MED24: variants seen among roughly 807,000 people sequenced by gnomAD.
MED24 encodes mediator of RNA polymerase II transcription subunit 24.
In MED24, 74 loss-of-function variants were observed where a neutral mutation model predicts 118.8. That is an observed-to-expected ratio of 0.62 (90% CI 0.52 to 0.76). MED24 has a LOEUF of 0.76. MED24 is among the 30% of genes least tolerant of loss of function. The pLI, the probability that MED24 is intolerant of heterozygous loss-of-function variation, is 0.00. For missense variants in MED24, 1,041 were observed against 1,278.9 expected, an observed-to-expected ratio of 0.81 and a Z score of 2.84; for synonymous variants, 521 against 523.9, an observed-to-expected ratio of 0.99 and a Z score of 0.08.
chr17:40,035,200 G>T lies in MED24; in HGVS notation c.476C>A (p.Ala159Asp). 6.2e-7 allele frequency: 1 copy of T among 1,614,120 alleles called. No homozygotes were observed. The highest frequency in any genetic ancestry group is 8.5e-7 in the Non-Finnish European group (1 of 1,180,030). Residue 159 changes from alanine to aspartate, a missense_variant, in exon 6 of 26, where the codon GCC (alanine) becomes GAC (aspartate). By Grantham distance (126) the Ala-to-Asp change is moderately radical. Transcript: ENST00000394128. ...TTTCTCCAGGCGCTGAAGGCACATG[G>T]CAAGCTGCTTCTCCCCAGCGGCTGG... Reference protein sequence around the residue: ...GTPAAGEKQLAMCLQRLEKTL... With the variant: ...GTPAAGEKQLDMCLQRLEKTL...
intron 3 of MED24, among the ~76,000 whole-genome samples, chr17:40,046,086 A>T (rs1985150576): frequency 7.1e-6 from 1 of 141,166 alleles, no homozygotes; most frequent in South Asian, 2.2e-4. Context: ...CTCTAAAAAA[A>T]ATTTTTTTTT....
At chr17:40,039,644 A>G (rs910263495) in intron 3 of MED24, among the ~76,000 whole-genome samples, 1 of 151,898 alleles carries the variant, frequency 6.6e-6, no homozygotes, top group Non-Finnish European at 1.5e-5. Context: ...AGACTCTTCT[A>G]TTGGTCTGTT....
chr17:40,034,852 C>CGGGGGGGGGGGGGGGGGGGGGGGGGGGGG, intron 6 of MED24: 2 of 386,866 alleles, frequency 5.2e-6, no homozygotes, highest in East Asian at 5.3e-5. Flanking sequence ...CCTTTGGTAG[C>CGGGGGGGGGGGGGGGGGGGGGGGGGGGGG]CCCCCACCCC....
rs1388186968 is a variant in MED24 at position 40,033,667 on chromosome 17, A to G, written c.560-211T>C. ...CCTAGAGCTGGAAACCCCAGAGACC[A>G]TTCCCAAAAGCCTGATTTCCAGGGG... On this transcript the variant is annotated intron_variant, in intron 6 of 25. Transcript: ENST00000394128. The surrounding 1 kb of genome is among the most constrained non-coding windows in gnomAD (Gnocchi z 5.2). The G allele has an allele frequency of 5.9e-6, 4 of 682,720 alleles. No homozygotes were observed. Among genetic ancestry groups the G allele is most frequent in the Non-Finnish European group, 1.1e-5 (4 of 373,144 alleles). 42.3% of individuals were successfully genotyped at this position (682,720 alleles called of 1,614,324 possible). A position where few individuals can be genotyped will look rare whatever the true frequency, so the allele number is the denominator to read the frequency against.
chr17:40,034,514 G>A (rs927286523), intron 6 of MED24, among the ~76,000 whole-genome samples: 1 of 152,160 alleles, frequency 6.6e-6, no homozygotes, highest in Non-Finnish European at 1.5e-5. Context: ...GGACCCCATT[G>A]CTGGAAATAC....
chr17:40,053,190 C>T, intron 3 of MED24, 108 bp downstream of exon 3: 2 of 1,077,014 alleles, frequency 1.9e-6, no homozygotes, highest in Non-Finnish European at 2.7e-6. Flanking sequence ...CTGCCTCAGC[C>T]TCCCACAATG....
intron 13 of MED24, among the ~76,000 whole-genome samples, chr17:40,029,451 G>T (rs1364813923): frequency 6.6e-6 from 1 of 152,156 alleles, no homozygotes; most frequent in Non-Finnish European, 1.5e-5. Context: ...TCCCACCTCA[G>T]CCTCCCAAAA....
chr17:40,020,164 G>T, intron 24 of MED24, 109 bp downstream of exon 24: 1 of 1,171,650 alleles, frequency 8.5e-7, no homozygotes. Context: ...GAGAGGGAAG[G>T]GAGGGGCACC....
intron 12 of MED24, among the ~76,000 whole-genome samples, chr17:40,030,224 A>G (rs775768961): frequency 2.9e-4 from 44 of 151,750 alleles, no homozygotes; most frequent in Non-Finnish European, 5.2e-4. Flanking sequence ...TCCTGACCTC[A>G]GGTGATCCAC....
In MED24 at chr17:40,053,380, T is replaced by C; in HGVS notation, c.131A>G (p.Asp44Gly). The C allele has an allele frequency of 6.2e-7, 1 of 1,613,326 alleles. No individual in the cohort carries two copies. The highest frequency in any genetic ancestry group is 8.5e-7 in the Non-Finnish European group (1 of 1,179,414). Residue 44 changes from aspartate to glycine, a missense_variant and splice_region_variant, in exon 3 of 26, where the codon GAT (aspartate) becomes GGT (glycine). By Grantham distance (94) the Asp-to-Gly change is moderately conservative. This residue lies in a region of MED24 where 434 missense variants were observed against 514.9 expected (regional missense o/e 0.84). Coordinates refer to ENST00000394128, the MANE Select transcript of MED24 (RefSeq NM_014815.4). ...AATCATGGCCTGCTCTAGTAACGCA[T>C]CTGCAAGAGGAATAGCAAAACACAA... Reference protein sequence around the residue: ...GATWDILNLADALLEQAMIGP... With the variant: ...GATWDILNLAGALLEQAMIGP...
intron 14 of MED24, 26 bp from the exon 15 acceptor site, chr17:40,027,972 T>C (rs375514762): frequency 4.3e-6 from 7 of 1,613,316 alleles, no homozygotes; most frequent in South Asian, 2.2e-5. Flanking sequence ...ACAGGCTGCA[T>C]TGACCAGGGC....
At position 40,019,461 on chromosome 17, in the gene MED24, A is replaced by T; in HGVS notation, c.*68T>A. 1 of 1,343,350 alleles carries T rather than the reference A, an allele frequency of 7.4e-7. No homozygotes were observed. The highest frequency in any genetic ancestry group is 1.2e-5 in the South Asian group (1 of 82,890). The allele number at this position is 1,343,350 out of a possible 1,614,324, so 83.2% of individuals were successfully genotyped here. On this transcript the variant is annotated 3_prime_UTR_variant, in exon 26 of 26. Coordinates refer to ENST00000394128, the MANE Select transcript of MED24 (RefSeq NM_014815.4). ...GAGGCACGATGCCTCATCTTTCCTC[A>T]CTGCTTCCCTTGGAGGCGCCTGGGG...
intron 8 of MED24, 37 bp from the exon 9 acceptor site, chr17:40,032,799 C>A: frequency 1.9e-6 from 3 of 1,560,962 alleles, no homozygotes; most frequent in Non-Finnish European, 1.8e-6. Context: ...TAAGAGGGTG[C>A]CCATACCCCG....
chr17:40,019,943 G>A lies in MED24; in HGVS notation c.2705-10C>T, dbSNP rs1316016640. 4.5e-6 allele frequency: 7 copies of A among 1,559,994 alleles called. No homozygotes were observed. Among genetic ancestry groups the A allele is most frequent in the Non-Finnish European group, 6.1e-6 (7 of 1,151,634 alleles). On this transcript the variant is annotated splice_polypyrimidine_tract_variant and intron_variant, in intron 24 of 25. Coordinates refer to ENST00000394128, the MANE Select transcript of MED24 (RefSeq NM_014815.4). ...AGCAGGAACAGGTTGGCTGTAGAGA[G>A]TGGGGGGAGAGTGACAGGAGGGAGT...
chr17:40,021,096 C>A (rs1380701789), intron 23 of MED24: 3 of 152,314 alleles, frequency 2.0e-5, no homozygotes, highest in Admixed American at 6.5e-5. Flanking sequence ...AACAAACAAA[C>A]AAAAAACAAA....
intron 3 of MED24, among the ~76,000 whole-genome samples, chr17:40,038,293 T>C (rs1299367554): frequency 6.6e-6 from 1 of 152,188 alleles, no homozygotes; most frequent in Non-Finnish European, 1.5e-5. Flanking sequence ...ACTAACTAGT[T>C]GCCTTCTGGA....
chr17:40,021,519 A>G (rs1446001000), intron 23 of MED24: 2 of 155,242 alleles, frequency 1.3e-5, no homozygotes, highest in South Asian at 2.0e-4. Context: ...TGTGCTCTTT[A>G]GGCAGGAAGG....
At chr17:40,022,084 C>A (rs1982085527) in intron 22 of MED24, 30 bp from the exon 23 acceptor site, 1 of 1,465,298 alleles carries the variant, frequency 6.8e-7, no homozygotes, top group Admixed American at 2.1e-5. Flanking sequence ...CTGTTATACA[C>A]CCCTAAACCC....
intron 3 of MED24, among the ~76,000 whole-genome samples, chr17:40,044,980 GA>G (rs1162398324): frequency 6.6e-6 from 1 of 152,102 alleles, no homozygotes; most frequent in Admixed American, 6.6e-5. Flanking sequence ...TTTTCAGGGG[GA>G]AATTTGCAGG....
Sources: allele counts gnomAD v4.1 joint callset (sites outside exome capture counted in the v4.1 genomes callset), GRCh38; gene constraint gnomAD v4.1.1; regional missense constraint gnomAD v4.1.1; non-coding constraint Gnocchi (gnomAD v3.1); transcripts MANE v1.5; gene names NCBI Gene and HGNC (gene_info 2026-07-23, HGNC 2026-07-21).